The following TTC39C variants were observed in gnomAD, a reference collection of about 807,000 sequenced individuals.
TTC39C encodes tetratricopeptide repeat domain 39C.
A neutral mutation model predicts 76.3 loss-of-function variants in TTC39C; 33 were observed. That is an observed-to-expected ratio of 0.43 (90% CI 0.33 to 0.58). The LOEUF is 0.58. Among genes scored for constraint, TTC39C ranks in the 20% least tolerant of loss-of-function variants. The probability of loss-of-function intolerance (pLI) is 0.04; values close to 1 mark genes in which losing one functional copy is unlikely to be tolerated. For missense variants in TTC39C, 595 were observed against 701.4 expected, an observed-to-expected ratio of 0.85 and a Z score of 1.71; for synonymous variants, 254 against 260.6, an observed-to-expected ratio of 0.97 and a Z score of 0.24.
intron 6 of TTC39C, among the ~76,000 whole-genome samples, chr18:24,107,888 A>AG (rs34882392): frequency 0.08 from 10,891 of 135,980 alleles, 427 homozygotes; most frequent in African/African-American, 0.14. Context: ...CCTCCCAAGT[A>AG]GGGGGGGGGG....
chr18:24,101,387 T>C (rs2084672436), intron 6 of TTC39C, among the ~76,000 whole-genome samples: 1 of 151,480 alleles, frequency 6.6e-6, no homozygotes, highest in African/African-American at 2.4e-5. Flanking sequence ...GCGGGCGTTA[T>C]CACCAGGTCA....
intron 1 of TTC39C, among the ~76,000 whole-genome samples, chr18:24,008,275 T>C (rs1025150399): frequency 6.6e-6 from 1 of 152,210 alleles, no homozygotes; most frequent in African/African-American, 2.4e-5. Context: ...AAATCCACTC[T>C]GAGAAGCAAA....
intron 6 of TTC39C, among the ~76,000 whole-genome samples, chr18:24,099,055 G>GTATATACATATAACA (rs1568437137): frequency 9.6e-6 from 1 of 104,242 alleles, no homozygotes; most frequent in African/African-American, 3.6e-5. Context: ...ATCTATACAC[G>GTATATACATATAACA]TATATACATA....
intron 1 of TTC39C, among the ~76,000 whole-genome samples, chr18:24,032,816 C>T (rs2083686842): frequency 6.6e-6 from 1 of 152,168 alleles, no homozygotes; most frequent in South Asian, 2.1e-4. Flanking sequence ...TGTACAAATC[C>T]CAGTTAGCTC....
At chr18:24,099,125 TG>T (rs2084645048) in intron 6 of TTC39C, 2 of 149,946 alleles carry the variant, frequency 1.3e-5, no homozygotes, top group African/African-American at 4.9e-5. Context: ...TGTGTGTGTG[TG>T]TGTGTGTGTG....
intron 6 of TTC39C, among the ~76,000 whole-genome samples, chr18:24,110,851 T>G (rs896359009): frequency 1.3e-5 from 2 of 152,248 alleles, no homozygotes; most frequent in African/African-American, 4.8e-5. Flanking sequence ...TTTCTCATTT[T>G]ACTAGTGAAG....
At chr18:24,092,736 A>G (rs978761881) in intron 6 of TTC39C, among the ~76,000 whole-genome samples, 5 of 152,180 alleles carry the variant, frequency 3.3e-5, no homozygotes, top group Non-Finnish European at 7.3e-5. Flanking sequence ...TAGGTGAGGG[A>G]ACAGTGTGGA....
intron 1 of TTC39C, among the ~76,000 whole-genome samples, chr18:24,045,728 C>A (rs1417668456): frequency 3.3e-5 from 5 of 151,180 alleles, no homozygotes; most frequent in African/African-American, 1.2e-4. Flanking sequence ...TCTGTGTGCA[C>A]ATTTTAAAAC....
At chr18:24,001,992 AT>A (rs543963303) in intron 1 of TTC39C, among the ~76,000 whole-genome samples, 1 of 151,654 alleles carries the variant, frequency 6.6e-6, no homozygotes, top group East Asian at 1.9e-4. Context: ...CGCCCGGCTA[AT>A]TTTTTTTGTA....
At chr18:24,053,801 T>G (rs994984256) in intron 1 of TTC39C, among the ~76,000 whole-genome samples, 3 of 152,208 alleles carry the variant, frequency 2.0e-5, no homozygotes, top group African/African-American at 7.2e-5. Flanking sequence ...AGTGCTGACT[T>G]TTACGTGTTC....
intron 4 of TTC39C, among the ~76,000 whole-genome samples, chr18:24,071,197 C>A (rs1455625143): frequency 6.6e-6 from 1 of 152,060 alleles, no homozygotes; most frequent in Admixed American, 6.5e-5. Context: ...AAAGTGCTGG[C>A]ATTACAGGTG....
At chr18:24,026,327 C>T (rs1294276631) in intron 1 of TTC39C, among the ~76,000 whole-genome samples, 1 of 152,160 alleles carries the variant, frequency 6.6e-6, no homozygotes, top group Non-Finnish European at 1.5e-5. Context: ...GTTAAACGAA[C>T]AAAAATTTAG....
At chr18:24,111,264 A>G (rs2084805942) in intron 6 of TTC39C, among the ~76,000 whole-genome samples, 1 of 152,006 alleles carries the variant, frequency 6.6e-6, no homozygotes, top group South Asian at 2.1e-4. Context: ...AGTTTTTATG[A>G]TGACAAATTA....
intron 2 of TTC39C, 78 bp downstream of exon 2, chr18:24,064,266 T>A (rs760950589): frequency 7.7e-5 from 117 of 1,516,008 alleles, no homozygotes; most frequent in Non-Finnish European, 1.0e-4. Context: ...CTACCAGTTG[T>A]ATAGATACAC....
At chr18:24,013,703 T>C (rs903587062), upstream of TTC39C, among the ~76,000 whole-genome samples, 2 of 152,238 alleles carry the variant, frequency 1.3e-5, no homozygotes, top group Admixed American at 1.3e-4. Context: ...CAACACTACA[T>C]TAAGGGATTT....
At chr18:24,088,972 TTCTG>T (rs1236987627) in intron 6 of TTC39C, among the ~76,000 whole-genome samples, 2 of 152,232 alleles carry the variant, frequency 1.3e-5, no homozygotes, top group Non-Finnish European at 2.9e-5. Flanking sequence ...AGTGTTTTCT[TTCTG>T]TATGTTTATT....
At chr18:23,994,969 ATTGACT>A (rs1229080999) in intron 1 of TTC39C, among the ~76,000 whole-genome samples, 1 of 152,128 alleles carries the variant, frequency 6.6e-6, no homozygotes, top group East Asian at 1.9e-4. Flanking sequence ...ACACCATGAA[ATTGACT>A]TTGGTAAAAT....
chr18:24,055,321 A>G (rs1378849189), intron 1 of TTC39C, among the ~76,000 whole-genome samples: 2 of 152,202 alleles, frequency 1.3e-5, no homozygotes, highest in Non-Finnish European at 2.9e-5. Context: ...ATAGTTTTCC[A>G]TAGTGGCTGC....
chr18:24,041,358 G>C (rs771096882), intron 1 of TTC39C, among the ~76,000 whole-genome samples: 1 of 152,174 alleles, frequency 6.6e-6, no homozygotes, highest in Admixed American at 6.5e-5. Flanking sequence ...TGAGAACTCT[G>C]GGCTCCACCT....
Sources: gnomAD v4.1 joint callset for allele counts (sites outside exome capture counted in the v4.1 genomes callset) on GRCh38, gnomAD v4.1.1 for gene constraint, MANE v1.5 for transcripts, NCBI Gene and HGNC (gene_info 2026-07-23, HGNC 2026-07-21) for gene names.